The following KCNH5 variants were observed in gnomAD, a reference collection of about 807,000 sequenced individuals.
The protein encoded by KCNH5 is voltage-gated delayed rectifier potassium channel KCNH5.
Under a neutral mutation model 96.1 loss-of-function variants are expected in KCNH5, and 46 were observed. The ratio of observed to expected loss-of-function variants is 0.48; its 90% CI spans 0.38 to 0.61. The LOEUF (loss-of-function observed/expected upper bound fraction) is 0.61. Ranked by LOEUF, KCNH5 falls within the 20% of genes least tolerant of loss-of-function variation. The probability of loss-of-function intolerance (pLI) is 0.00; values close to 1 mark genes in which losing one functional copy is unlikely to be tolerated. For synonymous variants in KCNH5, 439 were observed against 449.8 expected, an observed-to-expected ratio of 0.98 and a Z score of 0.30; for missense variants, 907 against 1,225.8, an observed-to-expected ratio of 0.74 and a Z score of 3.88.
At chr14:62,852,062 C>T (rs548709883) in intron 7 of KCNH5, among the ~76,000 whole-genome samples, 5 of 152,228 alleles carry the variant, frequency 3.3e-5, no homozygotes, top group African/African-American at 1.2e-4. Context: ...TCATTTTTCA[C>T]TTTCATTATT....
At chr14:62,962,124 G>A (rs1234539643) in intron 6 of KCNH5, among the ~76,000 whole-genome samples, 1 of 152,118 alleles carries the variant, frequency 6.6e-6, no homozygotes, top group African/African-American at 2.4e-5. Flanking sequence ...GGACAGGGAT[G>A]GAGATGAAGA....
chr14:62,741,173 C>A (rs775451245), intron 10 of KCNH5, among the ~76,000 whole-genome samples: 2 of 152,096 alleles, frequency 1.3e-5, no homozygotes, highest in Non-Finnish European at 2.9e-5. Flanking sequence ...ATAAATTAAG[C>A]GGCTTGCACG....
chr14:62,835,213 T>C (rs1414310275), intron 8 of KCNH5, among the ~76,000 whole-genome samples: 3 of 152,036 alleles, frequency 2.0e-5, no homozygotes, highest in Non-Finnish European at 2.9e-5. Context: ...TGTTTAACCA[T>C]TTACCAACAT....
intron 7 of KCNH5, among the ~76,000 whole-genome samples, chr14:62,883,754 G>A (rs1173167746): frequency 6.6e-6 from 1 of 151,706 alleles, no homozygotes; most frequent in Non-Finnish European, 1.5e-5. Context: ...CAGATATGTA[G>A]TACAATAATA....
At chr14:63,033,798 G>T (rs8005258) in intron 1 of KCNH5, among the ~76,000 whole-genome samples, 22,859 of 150,604 alleles carry the variant, frequency 0.15, 2,071 homozygotes, top group East Asian at 0.36. Context: ...TTTTTTTCAA[G>T]GAATTGGCAA....
At position 62,704,597 on chromosome 14, in the gene KCNH5, A is replaced by G. The variant is rs1272457039; in HGVS notation, c.*2911T>C. 1 of 151,904 alleles carries G rather than the reference A, an allele frequency of 6.6e-6. No homozygotes were observed. Among genetic ancestry groups the G allele is most frequent in the Non-Finnish European group, 1.5e-5 (1 of 67,816 alleles). The allele number at this position is 151,904 out of a possible 1,614,324, so 9.4% of individuals were successfully genotyped here. A position where few individuals can be genotyped will look rare whatever the true frequency, so the allele number is the denominator to read the frequency against. On this transcript the variant is annotated 3_prime_UTR_variant, in exon 11 of 11. Coordinates refer to ENST00000322893, the MANE Select transcript of KCNH5 (RefSeq NM_139318.5). ...CAGCATCTGATCTTACCTATTAATAACATCATAGAAAAATATTGAAGGTGT... is the reference window on the plus strand; with the variant it reads ...CAGCATCTGATCTTACCTATTAATAGCATCATAGAAAAATATTGAAGGTGT...
chr14:62,806,440 A>G (rs1844509), intron 8 of KCNH5, among the ~76,000 whole-genome samples: 92,813 of 151,890 alleles, frequency 0.61, 28,742 homozygotes, highest in East Asian at 0.86. Context: ...ACCACAGAAG[A>G]GACTATAGTG....
chr14:62,799,726 T>TATATATATATATACAC (rs1213484157), intron 9 of KCNH5, among the ~76,000 whole-genome samples: 50 of 68,646 alleles, frequency 7.3e-4, no homozygotes, highest in Non-Finnish European at 1.0e-3. Context: ...TATATATATA[T>TATATATATATATACAC]ACACACACAC....
chr14:62,830,066 G>A (rs906614920), intron 8 of KCNH5, among the ~76,000 whole-genome samples: 32 of 152,096 alleles, frequency 2.1e-4, no homozygotes, highest in African/African-American at 7.7e-4. Flanking sequence ...CTAGGGCAGG[G>A]GCAAAATGCC....
chr14:62,882,496 G>A (rs1363955019), intron 7 of KCNH5, among the ~76,000 whole-genome samples: 5 of 152,142 alleles, frequency 3.3e-5, no homozygotes, highest in African/African-American at 4.8e-5. Context: ...CTTATTGTAT[G>A]ACACTCATAA....
At chr14:62,835,752 T>C (rs1887452625) in intron 8 of KCNH5, among the ~76,000 whole-genome samples, 2 of 152,094 alleles carry the variant, frequency 1.3e-5, no homozygotes, top group Non-Finnish European at 2.9e-5. Context: ...TAAAATACCT[T>C]AAAAAATAAA....
At chr14:62,862,962 C>G (rs1178297416) in intron 7 of KCNH5, among the ~76,000 whole-genome samples, 1 of 152,080 alleles carries the variant, frequency 6.6e-6, no homozygotes, top group Non-Finnish European at 1.5e-5. Context: ...CCCATGAAAG[C>G]CCTCCGTTTT....
At chr14:62,877,651 T>G (rs1195169430) in intron 7 of KCNH5, among the ~76,000 whole-genome samples, 1 of 151,926 alleles carries the variant, frequency 6.6e-6, no homozygotes, top group Non-Finnish European at 1.5e-5. Flanking sequence ...TGAGATACCA[T>G]CTCACACCAG....
chr14:63,002,712 C>G (rs1891033742), intron 3 of KCNH5, among the ~76,000 whole-genome samples: 1 of 152,100 alleles, frequency 6.6e-6, no homozygotes, highest in Non-Finnish European at 1.5e-5. Context: ...AGATAACTAC[C>G]AGGCTCAAGA....
chr14:63,020,557 G>C (rs1566543753), intron 1 of KCNH5, among the ~76,000 whole-genome samples: 1 of 152,076 alleles, frequency 6.6e-6, no homozygotes, highest in East Asian at 1.9e-4. Flanking sequence ...TATACTGTTT[G>C]ATTTCATTAA....
chr14:62,711,010 A>C (rs1884555710), intron 10 of KCNH5, among the ~76,000 whole-genome samples: 4 of 152,150 alleles, frequency 2.6e-5, no homozygotes, highest in African/African-American at 9.7e-5. Context: ...CAGAGACTAT[A>C]ATGAAAGATT....
intron 10 of KCNH5, among the ~76,000 whole-genome samples, chr14:62,756,587 G>A (rs1206478932): frequency 6.6e-6 from 1 of 152,122 alleles, no homozygotes. Flanking sequence ...GCATGGTACT[G>A]GGATAAAAGC....
At chr14:62,807,690 A>T (rs968179045) in intron 8 of KCNH5, among the ~76,000 whole-genome samples, 2 of 151,766 alleles carry the variant, frequency 1.3e-5, no homozygotes, top group Non-Finnish European at 2.9e-5. Context: ...ATAAAGAAAG[A>T]GATTTTATAT....
At chr14:62,897,132 C>T (rs2140089807) in intron 7 of KCNH5, among the ~76,000 whole-genome samples, 1 of 152,284 alleles carries the variant, frequency 6.6e-6, no homozygotes, top group South Asian at 2.1e-4. Context: ...CCCTCCTCCC[C>T]ATTAATAGCC....
Sources: gnomAD v4.1 joint callset for allele counts (sites outside exome capture counted in the v4.1 genomes callset) on GRCh38, gnomAD v4.1.1 for gene constraint, MANE v1.5 for transcripts, NCBI Gene and HGNC (gene_info 2026-07-23, HGNC 2026-07-21) for gene names.